The following NDFIP2 variants were observed in gnomAD, a reference collection of about 807,000 sequenced individuals.
NDFIP2 encodes Nedd4 family interacting protein 2.
In NDFIP2, 19 loss-of-function variants were observed where a neutral mutation model predicts 36.0. That is an observed-to-expected ratio of 0.53 (90% CI 0.37 to 0.77). NDFIP2 has a LOEUF of 0.77. Among genes scored for constraint, NDFIP2 ranks in the 30% least tolerant of loss-of-function variants. The probability of loss-of-function intolerance (pLI) is 0.00; values close to 1 mark genes in which losing one functional copy is unlikely to be tolerated. For missense variants in NDFIP2, 446 were observed against 435.8 expected, an observed-to-expected ratio of 1.02 and a Z score of -0.21; for synonymous variants, 181 against 167.7, an observed-to-expected ratio of 1.08 and a Z score of -0.61.
intron 2 of NDFIP2, among the ~76,000 whole-genome samples, chr13:79,532,753 T>G (rs1875065592): frequency 6.6e-6 from 1 of 152,134 alleles, no homozygotes; most frequent in Non-Finnish European, 1.5e-5. Flanking sequence ...TGTAAAAAAA[T>G]TACCCCTTGT....
chr13:79,493,127 G>A (rs1873308000), intron 1 of NDFIP2, among the ~76,000 whole-genome samples: 2 of 152,076 alleles, frequency 1.3e-5, no homozygotes, highest in African/African-American at 4.8e-5. Context: ...GCTTAGATCT[G>A]TCTTGTTTAT....
intron 5 of NDFIP2, among the ~76,000 whole-genome samples, chr13:79,544,886 G>A (rs928596864): frequency 1.4e-4 from 22 of 151,986 alleles, no homozygotes; most frequent in Non-Finnish European, 3.1e-4. Context: ...TCTTGGTTGG[G>A]ACCTATGGAC....
chr13:79,490,264 G>A (rs1873173049), intron 1 of NDFIP2, among the ~76,000 whole-genome samples: 1 of 152,214 alleles, frequency 6.6e-6, no homozygotes. Context: ...CTCCATTGGA[G>A]TCCTATTGGA....
At chr13:79,504,236 A>G (rs1165802343) in intron 1 of NDFIP2, among the ~76,000 whole-genome samples, 1 of 152,208 alleles carries the variant, frequency 6.6e-6, no homozygotes, top group African/African-American at 2.4e-5. Flanking sequence ...AATTTTAGAC[A>G]CAGAAAAATG....
intron 1 of NDFIP2, chr13:79,519,010 T>C (rs1874458848): frequency 6.6e-6 from 1 of 152,266 alleles, no homozygotes; most frequent in Non-Finnish European, 1.5e-5. Context: ...TTTCACCATA[T>C]TGCCCAGGCT....
intron 6 of NDFIP2, among the ~76,000 whole-genome samples, chr13:79,550,602 C>T (rs1046269125): frequency 6.6e-6 from 1 of 151,286 alleles, no homozygotes; most frequent in African/African-American, 2.4e-5. Context: ...TATATATTTC[C>T]TTTTTATCTA....
At chr13:79,546,452 A>G (rs1875684602) in intron 5 of NDFIP2, among the ~76,000 whole-genome samples, 1 of 152,194 alleles carries the variant, frequency 6.6e-6, no homozygotes, top group Non-Finnish European at 1.5e-5. Context: ...ATATAATAAA[A>G]TCAGATGAAT....
chr13:79,506,073 T>C (rs1259404514), intron 1 of NDFIP2, among the ~76,000 whole-genome samples: 3 of 152,188 alleles, frequency 2.0e-5, no homozygotes, highest in Admixed American at 6.5e-5. Context: ...TAGAAACTTA[T>C]TCCTTTAAGC....
At chr13:79,525,225 G>A (rs1221360979) in intron 2 of NDFIP2, among the ~76,000 whole-genome samples, 3 of 152,238 alleles carry the variant, frequency 2.0e-5, no homozygotes, top group South Asian at 4.1e-4. Flanking sequence ...GCCATCAGTC[G>A]GAACATGTTT....
chr13:79,507,501 C>T lies in NDFIP2; in HGVS notation c.322-13309C>T, dbSNP rs1215144938. ...GTTTTAGCCGGGATGGTCTCGATCT[C>T]CTGACCTCGTGATCCGCCCGCCTCG... On this transcript the variant is annotated intron_variant, in intron 1 of 7. Transcript: ENST00000218652. Among the ~76,000 whole-genome samples, 4 of 40,072 alleles carry T rather than the reference C, an allele frequency of 1.0e-4. 1 individual carries two copies. The highest frequency in any genetic ancestry group is 1.6e-4 in the Non-Finnish European group (4 of 25,268). The allele number at this position is 40,072 out of a possible 152,430, so 26.3% of individuals were successfully genotyped here. A position where few individuals can be genotyped will look rare whatever the true frequency, so the allele number is the denominator to read the frequency against.
At chr13:79,528,104 A>G (rs1874870879) in intron 2 of NDFIP2, among the ~76,000 whole-genome samples, 1 of 152,118 alleles carries the variant, frequency 6.6e-6, no homozygotes, top group African/African-American at 2.4e-5. Context: ...AACAAAAAAT[A>G]CAAAAATTAG....
rs754464906 is a variant in NDFIP2, at chr13:79,481,529, G to T, written c.321+5G>T. 6.5e-7 allele frequency: 1 copy of T among 1,545,876 alleles called. No homozygotes were observed. Among genetic ancestry groups the T allele is most frequent in the Non-Finnish European group, 8.7e-7 (1 of 1,145,272 alleles). ...GGGACTGGGCGCTACCAGGTGGTGA[G>T]TTCCCGGCCTCCTGTGCCTCCCGGG... On this transcript the variant is annotated splice_donor_5th_base_variant and intron_variant, in intron 1 of 7. Coordinates refer to ENST00000218652, the MANE Select transcript of NDFIP2 (RefSeq NM_019080.3).
rs138905931 is a variant in NDFIP2 at position 79,533,366 on chromosome 13, T to C, written c.531T>C (p.Tyr177=). ...AGTTTTATCCCGTGCCACCTCCCTA[T>C]AGCGTTGCTACCTCTCTTCCTACAT... ...YGEFYPVPPP[Y]SVATSLPTYD... Residue 177 remains tyrosine (Y), a synonymous_variant, in exon 3 of 8, where the codon TAT becomes TAC. Transcript: ENST00000218652. 1.4e-5 allele frequency: 23 copies of C among 1,611,762 alleles called. No homozygotes were observed. In the African/African-American group the frequency reaches 2.4e-4, roughly 17 times the overall value.
At chr13:79,542,505 G>GTTTTTTTTTTTTTTTTTTTTTT (rs1454824183) in intron 4 of NDFIP2, among the ~76,000 whole-genome samples, 2 of 149,310 alleles carry the variant, frequency 1.3e-5, no homozygotes, top group African/African-American at 5.0e-5. Flanking sequence ...GTGTTGTTCT[G>GTTTTTTTTTTTTTTTTTTTTTT]TTTTTTGTTT....
intron 2 of NDFIP2, among the ~76,000 whole-genome samples, chr13:79,525,421 C>T (rs184230867): frequency 1.7e-4 from 26 of 152,230 alleles, no homozygotes; most frequent in East Asian, 1.4e-3. Flanking sequence ...CCTCAGCCTA[C>T]GTTTTTTTTC....
chr13:79,521,253 G>A (rs554761102), intron 2 of NDFIP2, among the ~76,000 whole-genome samples: 3 of 152,148 alleles, frequency 2.0e-5, no homozygotes, highest in African/African-American at 4.8e-5. Context: ...AAGGGTGTAC[G>A]TAGTGATATC....
intron 1 of NDFIP2, among the ~76,000 whole-genome samples, chr13:79,515,794 T>C (rs1433377235): frequency 1.3e-5 from 2 of 152,150 alleles, no homozygotes; most frequent in African/African-American, 4.8e-5. Context: ...TAGCTCACCT[T>C]CTTCTTGGGT....
intron 1 of NDFIP2, among the ~76,000 whole-genome samples, chr13:79,497,790 TGGGGGGTG>T (rs1566655430): frequency 7.0e-6 from 1 of 143,402 alleles, no homozygotes; most frequent in African/African-American, 2.6e-5. Flanking sequence ...CCTTTATCTG[TGGGGGGTG>T]TGTGTGTGTG....
intron 2 of NDFIP2, among the ~76,000 whole-genome samples, chr13:79,522,108 G>C (rs1000912939): frequency 2.0e-5 from 3 of 152,108 alleles, no homozygotes; most frequent in Non-Finnish European, 4.4e-5. Context: ...GATTACAGGC[G>C]TGAGCCACCG....
Sources: gnomAD v4.1 joint callset for allele counts (sites outside exome capture counted in the v4.1 genomes callset) on GRCh38, gnomAD v4.1.1 for gene constraint, MANE v1.5 for transcripts, NCBI Gene and HGNC (gene_info 2026-07-23, HGNC 2026-07-21) for gene names.